The following WAS variants were observed in gnomAD, a reference collection of about 807,000 sequenced individuals.
The protein encoded by WAS is actin nucleation-promoting factor WAS.
A neutral mutation model predicts 38.9 loss-of-function variants in WAS; 1 was observed. The ratio of observed to expected loss-of-function variants is 0.03; its 90% CI spans 0.01 to 0.12. The LOEUF (loss-of-function observed/expected upper bound fraction) is 0.12. Among genes scored for constraint, WAS ranks in the 10% least tolerant of loss-of-function variants. WAS has a pLI of 1.00. For missense variants in WAS, 311 were observed against 431.2 expected, an observed-to-expected ratio of 0.72 and a Z score of 2.47; for synonymous variants, 182 against 173.6, an observed-to-expected ratio of 1.05 and a Z score of -0.38.
intron 10 of WAS, 101 bp from the exon 11 acceptor site, chrX:48,689,219 G>A (rs2062432044): frequency 1.1e-6 from 1 of 943,517 alleles, no homozygotes; most frequent in Admixed American, 2.6e-5. Flanking sequence ...AGCCTTGAAG[G>A]GGACTGGAGT....
At position 48,686,831 on chromosome X, in the gene WAS, A is replaced by T. The variant is rs2062421667; in HGVS notation, c.610A>T (p.Asn204Tyr). 6 of 1,210,307 alleles carry T rather than the reference A, an allele frequency of 5.0e-6. No homozygotes were observed. Among genetic ancestry groups the T allele is most frequent in the Non-Finnish European group, 6.7e-6 (6 of 895,290 alleles). ...SLGLATVDIQ[N>Y]PDITSSRYRG... is the part of the protein sequence containing the mutation. Reference sequence around the variant, plus strand: ...GGGGCTGGCGACAGTGGACATCCAGAACCCTGACATCACGAGTTCACGATA... The same window carrying T: ...GGGGCTGGCGACAGTGGACATCCAGTACCCTGACATCACGAGTTCACGATA... Residue 204 changes from asparagine (N) to tyrosine (Y), a missense_variant, in exon 7 of 12, where the codon AAC (asparagine) becomes TAC (tyrosine). Physicochemically the swap from Asn to Tyr is moderately radical, Grantham distance 143 (BLOSUM62 -2). Transcript: ENST00000376701.
At chrX:48,687,085 G>A (rs1433090583) in intron 7 of WAS, 130 bp downstream of exon 7, 3 of 858,949 alleles carry the variant, frequency 3.5e-6, no homozygotes, top group African/African-American at 4.0e-5. Context: ...GTAAATGGGT[G>A]GTTGGATAGG....
chrX:48,685,633 T>G lies in WAS; in HGVS notation c.360T>G (p.Asp120Glu), dbSNP rs2147263761. Residue 120 changes from aspartate (D) to glutamate (E), a missense_variant and splice_region_variant, in exon 3 of 12, where the codon GAT becomes GAG. Coordinates refer to ENST00000376701, the MANE Select transcript of WAS (RefSeq NM_000377.3). Reference protein sequence around the residue: ...PTPFFHTFAGDDCQAGLNFAD... With the variant: ...PTPFFHTFAGEDCQAGLNFAD... ...CCTTCTTCCACACCTTCGCTGGAGA[T>G]GTAAGTGATCAACCAGCCCTCGGGC... is the stretch of plus-strand genomic sequence containing the variant. 8.4e-7 allele frequency: 1 copy of G among 1,194,741 alleles called. No homozygotes were observed. Among genetic ancestry groups the G allele is most frequent in the Non-Finnish European group, 1.1e-6 (1 of 886,450 alleles).
intron 8 of WAS, 94 bp downstream of exon 8, chrX:48,688,190 C>T: frequency 8.7e-7 from 1 of 1,151,937 alleles, no homozygotes; most frequent in South Asian, 1.9e-5. Flanking sequence ...CGTGCCCTTC[C>T]CACACCCCTC....
upstream of WAS, among the ~76,000 whole-genome samples, chrX:48,682,180 G>C (rs1445660649): frequency 8.9e-6 from 1 of 112,401 alleles, no homozygotes; most frequent in Non-Finnish European, 1.9e-5. Context: ...GTGTGCGGGA[G>C]TGAACACTGC....
chrX:48,688,092 T>C lies in WAS; in HGVS notation c.773T>C (p.Phe258Ser). The C allele has an allele frequency of 8.3e-7, 1 of 1,205,794 alleles. No individual in the cohort carries two copies. Among genetic ancestry groups the C allele is most frequent in the Non-Finnish European group, 1.1e-6 (1 of 892,460 alleles). ...SHVGWDPQNG[F>S]DVNNLDPDLR... Reference sequence around the variant, plus strand: ...GTGGGGTGGGACCCCCAGAATGGATTTGACGTGAGTAACTTCAGAGTCTCT... The same window carrying C: ...GTGGGGTGGGACCCCCAGAATGGATCTGACGTGAGTAACTTCAGAGTCTCT... Residue 258 changes from phenylalanine (F) to serine (S), a missense_variant, in exon 8 of 12, where the codon TTT (phenylalanine) becomes TCT (serine). By Grantham distance (155) the Phe-to-Ser change is radical. Coordinates refer to ENST00000376701, the MANE Select transcript of WAS (RefSeq NM_000377.3).
intron 11 of WAS, chrX:48,689,714 G>A (rs1465418987): frequency 8.6e-6 from 2 of 232,827 alleles, no homozygotes; most frequent in East Asian, 1.4e-4. Context: ...AACATCAGCT[G>A]GCCGGCGCGG....
At chrX:48,685,659 C>T in intron 3 of WAS, 26 bp downstream of exon 3, 1 of 1,179,874 alleles carries the variant, frequency 8.5e-7, no homozygotes, top group African/African-American at 1.8e-5. Context: ...GCCCTCGGGC[C>T]TCACTTGGGG....
upstream of WAS, among the ~76,000 whole-genome samples, chrX:48,681,838 A>T (rs1397638266): frequency 9.0e-6 from 1 of 111,393 alleles, no homozygotes. Context: ...AGAGGCTTTG[A>T]ACCTGCACGT....
upstream of WAS, among the ~76,000 whole-genome samples, chrX:48,679,478 T>C (rs782181526): frequency 5.3e-5 from 6 of 112,323 alleles, no homozygotes; most frequent in African/African-American, 1.6e-4. Flanking sequence ...TAAATGTTAA[T>C]TTATAAAACA....
At chrX:48,687,101 G>T in intron 7 of WAS, 146 bp downstream of exon 7, 1 of 755,243 alleles carries the variant, frequency 1.3e-6, no homozygotes, top group Non-Finnish European at 2.0e-6. Context: ...ATAGGTAGGT[G>T]CAGGGCTGGG....
chrX:48,681,707 G>A (rs180676952), upstream of WAS, among the ~76,000 whole-genome samples: 4 of 112,338 alleles, frequency 3.6e-5, no homozygotes, highest in Admixed American at 2.8e-4. Flanking sequence ...AGGCCACATC[G>A]GGGCTTGCCC....
intron 10 of WAS, 78 bp downstream of exon 10, chrX:48,689,144 AG>A: frequency 9.3e-7 from 1 of 1,073,887 alleles, no homozygotes; most frequent in Non-Finnish European, 1.3e-6. Context: ...TGGGGGGCTG[AG>A]GCCAGGACTG....
rs781790075 is a variant in WAS at position 48,691,130 on chromosome X, G to A, written c.1477G>A (p.Asp493Asn). ...AGACGAAGGGGAGGACCAGGCTGGC[G>A]ATGAAGATGAAGATGATGAATGGGA... ...SSDEGEDQAGDEDEDDEWDD is the reference protein window; with the variant it reads ...SSDEGEDQAGNEDEDDEWDD The change falls in exon 12 of 12, where the codon GAT becomes AAT. Residue 493 changes from aspartate (D) to asparagine (N), a missense_variant. By Grantham distance (23) the Asp-to-Asn change is conservative. Transcript: ENST00000376701. 11 of 1,209,946 alleles carry A rather than the reference G, an allele frequency of 9.1e-6. No individual in the cohort carries two copies. The highest frequency in any genetic ancestry group is 2.3e-4 in the Middle Eastern group (1 of 4,354).
In WAS at chrX:48,689,079, A is replaced by T. The variant is rs782303232; in HGVS notation, c.1338+13A>T. ...TCAGCTGAACAAGGTGAGGACAGGCAGGATGGAGGATTGGGGGTCTAGGAC... is the reference window on the plus strand; with the variant it reads ...TCAGCTGAACAAGGTGAGGACAGGCTGGATGGAGGATTGGGGGTCTAGGAC... On this transcript the variant is annotated intron_variant, in intron 10 of 11. Transcript: ENST00000376701. 12 of 1,191,054 alleles carry T rather than the reference A, an allele frequency of 1.0e-5. No individual in the cohort carries two copies. The highest frequency in any genetic ancestry group is 1.2e-5 in the Non-Finnish European group (11 of 886,705).
At chrX:48,687,450 T>C (rs1275605858) in intron 7 of WAS, among the ~76,000 whole-genome samples, 2 of 110,459 alleles carry the variant, frequency 1.8e-5, no homozygotes, top group Non-Finnish European at 3.8e-5. Context: ...GACAAGTTTA[T>C]GGGTGGATGG....
chrX:48,687,483 G>A (rs181475502), intron 7 of WAS, among the ~76,000 whole-genome samples: 1 of 111,219 alleles, frequency 9.0e-6, no homozygotes, highest in East Asian at 2.9e-4. Context: ...TGCGTGGATA[G>A]ATAGATGGGT....
chrX:48,690,998 C>T, intron 11 of WAS, 109 bp from the exon 12 acceptor site: 1 of 682,079 alleles, frequency 1.5e-6, no homozygotes, highest in East Asian at 3.4e-5. Context: ...CTAACTTGCC[C>T]TCCTCTAGCA....
In WAS at chrX:48,684,431, C is replaced by CA; in HGVS notation, c.273+8_273+9insA. 1.7e-6 allele frequency: 2 copies of CA among 1,203,764 alleles called. No individual in the cohort carries two copies. The highest frequency in any genetic ancestry group is 1.1e-6 in the Non-Finnish European group (1 of 891,719). On this transcript the variant is annotated intron_variant, in intron 2 of 11. Coordinates refer to ENST00000376701, the MANE Select transcript of WAS (RefSeq NM_000377.3). ...CGCCTTTACGGCCTTCAGGTGACCC[C>CA]CCCACCCCCGACTGGACTTGCAAGC...
Sources: allele counts gnomAD v4.1 joint callset (sites outside exome capture counted in the v4.1 genomes callset), GRCh38; gene constraint gnomAD v4.1.1; transcripts MANE v1.5; gene names NCBI Gene and HGNC (gene_info 2026-07-23, HGNC 2026-07-21).